The following STK4 variants were observed in gnomAD, a reference collection of about 807,000 sequenced individuals.
STK4 encodes serine/threonine kinase 4.
A neutral mutation model predicts 64.9 loss-of-function variants in STK4; 30 were observed. That is an observed-to-expected ratio of 0.46 (90% CI 0.35 to 0.63). STK4 has a LOEUF of 0.63. STK4 is among the 20% of genes least tolerant of loss of function. The probability of loss-of-function intolerance (pLI) is 0.01; values close to 1 mark genes in which losing one functional copy is unlikely to be tolerated. For synonymous variants in STK4, 177 were observed against 199.0 expected, an observed-to-expected ratio of 0.89 and a Z score of 0.93; for missense variants, 466 against 598.5, an observed-to-expected ratio of 0.78 and a Z score of 2.31.
chr20:44,972,032 C>T (rs6130717), intron 1 of STK4, 46 bp from the exon 2 acceptor site: 2 of 1,550,264 alleles, frequency 1.3e-6, no homozygotes, highest in East Asian at 2.2e-5. Context: ...TGTTCTAGTT[C>T]CTAGCAAATA....
chr20:45,035,642 C>T (rs760874036), intron 10 of STK4, among the ~76,000 whole-genome samples: 6 of 152,096 alleles, frequency 3.9e-5, no homozygotes, highest in Non-Finnish European at 5.9e-5. Context: ...GATAAGACTG[C>T]GAGATCTTTT....
chr20:45,047,473 G>A (rs974380609), intron 10 of STK4, among the ~76,000 whole-genome samples: 2 of 152,184 alleles, frequency 1.3e-5, no homozygotes, highest in Non-Finnish European at 2.9e-5. Context: ...GCCATAGCAT[G>A]CAGGTGCTCA....
rs577486474 is a variant in STK4 at position 44,974,129 on chromosome 20, G to A, written c.116+1971G>A. 8 of 152,322 alleles carry A rather than the reference G, an allele frequency of 5.3e-5. No homozygotes were observed. In the East Asian group the frequency reaches 1.5e-3, roughly 29 times the overall value. The allele number at this position is 152,322 out of a possible 1,614,324, so 9.4% of individuals were successfully genotyped here. Reference sequence around the variant, plus strand: ...GAGGTCTCACTGTGTTGCCCAGGCTGGTCTTGAACTCTTGGCCTTAAGTGA... The same window carrying A: ...GAGGTCTCACTGTGTTGCCCAGGCTAGTCTTGAACTCTTGGCCTTAAGTGA... On this transcript the variant is annotated intron_variant, in intron 2 of 10. Transcript: ENST00000372806.
intron 9 of STK4, among the ~76,000 whole-genome samples, chr20:45,023,525 C>T (rs1047276533): frequency 1.3e-5 from 2 of 152,052 alleles, no homozygotes; most frequent in African/African-American, 4.8e-5. Flanking sequence ...AGGAAAGGGC[C>T]GTATAAACCC....
At chr20:45,062,792 C>T (rs922663109) in intron 10 of STK4, among the ~76,000 whole-genome samples, 9 of 151,600 alleles carry the variant, frequency 5.9e-5, no homozygotes, top group Admixed American at 2.6e-4. Context: ...ATTCCCCGGC[C>T]TCAGCCTCCC....
chr20:45,032,258 C>G (rs576208570), intron 10 of STK4, among the ~76,000 whole-genome samples: 6 of 145,424 alleles, frequency 4.1e-5, no homozygotes, highest in African/African-American at 1.2e-4. Flanking sequence ...TGTAAAACAA[C>G]TATTTTATTC....
In STK4 at chr20:45,008,560, A is replaced by G. The variant is rs2067991401; in HGVS notation, c.1147+7207A>G. ...TAAAATGATTTATTTTCCTTTGGGT[A>G]TATAGCCAGTAATGGGATTGGTGTT... On this transcript the variant is annotated intron_variant, in intron 9 of 10. Coordinates refer to ENST00000372806, the MANE Select transcript of STK4 (RefSeq NM_006282.5). Among the ~76,000 whole-genome samples the G allele has an allele frequency of 2.0e-5, 3 of 152,186 alleles. No homozygotes were observed. In the South Asian group the frequency reaches 6.2e-4, roughly 31 times the overall value.
intron 10 of STK4, among the ~76,000 whole-genome samples, chr20:45,054,661 G>A (rs927785434): frequency 6.7e-6 from 1 of 149,498 alleles, no homozygotes; most frequent in Non-Finnish European, 1.5e-5. Flanking sequence ...CTTGCGGGCT[G>A]TGTTAACCTC....
intron 7 of STK4, 130 bp from the exon 8 acceptor site, chr20:45,000,262 G>A: frequency 1.6e-6 from 2 of 1,254,270 alleles, no homozygotes; most frequent in Non-Finnish European, 1.1e-6. Flanking sequence ...GTTGTCCGAA[G>A]CACAAAGAGA....
intron 5 of STK4, among the ~76,000 whole-genome samples, chr20:44,989,224 C>T (rs1680830638): frequency 6.6e-6 from 1 of 152,118 alleles, no homozygotes; most frequent in Admixed American, 6.5e-5. Flanking sequence ...TTTTGTGTTC[C>T]CTGCTGATGT....
chr20:44,991,994 A>T (rs1308520359), intron 5 of STK4, among the ~76,000 whole-genome samples: 2 of 152,124 alleles, frequency 1.3e-5, no homozygotes, highest in African/African-American at 4.8e-5. Flanking sequence ...AAATCTTATT[A>T]AAAAAGATAA....
In STK4 at chr20:45,001,412, A is replaced by G. The variant is rs1035122000; in HGVS notation, c.1147+59A>G. The G allele has an allele frequency of 1.1e-5, 17 of 1,538,094 alleles. No individual in the cohort carries two copies. The African/African-American group carries it at 2.2e-4, about 20-fold the overall frequency. The stretch of plus-strand genomic sequence containing the variant: ...ACCAAGCATACATATTTCAGAGAAG[A>G]CAGATTCTCATGGTTCATGCAGGCT... On this transcript the variant is annotated intron_variant, in intron 9 of 10. Coordinates refer to ENST00000372806, the MANE Select transcript of STK4 (RefSeq NM_006282.5).
intron 1 of STK4, 139 bp downstream of exon 1, chr20:44,966,742 G>T: frequency 9.8e-7 from 1 of 1,024,910 alleles, no homozygotes; most frequent in South Asian, 4.7e-5. Flanking sequence ...TGAGGGGGGG[G>T]ACGTCTGGTG....
chr20:44,983,244 G>A (rs1291847025), intron 4 of STK4, among the ~76,000 whole-genome samples: 1 of 152,168 alleles, frequency 6.6e-6, no homozygotes, highest in African/African-American at 2.4e-5. Flanking sequence ...TTTATCCCAG[G>A]TATTATAGGA....
intron 5 of STK4, 147 bp from the exon 6 acceptor site, chr20:44,994,943 C>T (rs2067699276): frequency 1.7e-6 from 1 of 579,332 alleles, no homozygotes; most frequent in South Asian, 5.9e-5. Flanking sequence ...ATATGTATTT[C>T]AAGTACAAGG....
At chr20:44,967,357 T>C in intron 1 of STK4, 6 of 465,816 alleles carry the variant, frequency 1.3e-5, no homozygotes, top group Non-Finnish European at 1.7e-5. Flanking sequence ...TTACTCCGGG[T>C]CACTGAACCC....
Position 45,079,329 on chromosome 20 carries a change from A to C in STK4, c.*4153A>C, listed in dbSNP as rs180866223. On this transcript the variant is annotated 3_prime_UTR_variant, in exon 11 of 11. Transcript: ENST00000372806. ...TTTACAGATGTGAAAATTGAGGCTCAGAGAAGTAAAGTCTATTGCTCAAGG... is the reference window on the plus strand; with the variant it reads ...TTTACAGATGTGAAAATTGAGGCTCCGAGAAGTAAAGTCTATTGCTCAAGG... The C allele has an allele frequency of 6.6e-6, 1 of 152,378 alleles. No homozygotes were observed. The highest frequency in any genetic ancestry group is 6.5e-5 in the Admixed American group (1 of 15,310). The allele number at this position is 152,378 out of a possible 1,614,324, so 9.4% of individuals were successfully genotyped here. A position where few individuals can be genotyped will look rare whatever the true frequency, so the allele number is the denominator to read the frequency against.
At chr20:45,003,780 G>A (rs1396939208) in intron 9 of STK4, among the ~76,000 whole-genome samples, 6 of 148,642 alleles carry the variant, frequency 4.0e-5, no homozygotes, top group South Asian at 2.1e-4. Context: ...GCAGTGGTGC[G>A]ATCTTGGCTC....
At chr20:45,064,724 C>G (rs1287561002) in intron 10 of STK4, among the ~76,000 whole-genome samples, 1 of 152,034 alleles carries the variant, frequency 6.6e-6, no homozygotes, top group Non-Finnish European at 1.5e-5. Flanking sequence ...GTGAATGGGA[C>G]TGAGTTATTG....
Sources: allele counts gnomAD v4.1 joint callset (sites outside exome capture counted in the v4.1 genomes callset), GRCh38; gene constraint gnomAD v4.1.1; transcripts MANE v1.5; gene names NCBI Gene and HGNC (gene_info 2026-07-23, HGNC 2026-07-21).